Variants in CREBRF observed in about 807,000 individuals in gnomAD.
CREBRF encodes CREB3 regulatory factor, also known as UPF0474 protein C5orf41.
CREBRF carries 5 observed loss-of-function variants against 66.1 expected under a neutral mutation model. The observed-to-expected ratio is 0.08, with a 90% CI of 0.04 to 0.16. The LOEUF is 0.16. CREBRF is among the 10% of genes least tolerant of loss of function. The pLI is 1.00. For synonymous variants in CREBRF, 229 were observed against 264.4 expected, an observed-to-expected ratio of 0.87 and a Z score of 1.30; for missense variants, 531 against 744.9, an observed-to-expected ratio of 0.71 and a Z score of 3.34.
intron 7 of CREBRF, among the ~76,000 whole-genome samples, chr5:173,113,333 G>A (rs1758911874): frequency 6.6e-6 from 1 of 151,168 alleles, no homozygotes; most frequent in African/African-American, 2.4e-5. Context: ...TTTTGAGACG[G>A]AGTCTCGCCC....
At chr5:173,073,057 G>C (rs1757643754) in intron 1 of CREBRF, among the ~76,000 whole-genome samples, 1 of 152,228 alleles carries the variant, frequency 6.6e-6, no homozygotes, top group African/African-American at 2.4e-5. Flanking sequence ...TGTATCTGCA[G>C]TGATGGAATG....
chr5:173,078,438 C>G (rs2113701761), intron 1 of CREBRF, among the ~76,000 whole-genome samples: 1 of 151,442 alleles, frequency 6.6e-6, no homozygotes, highest in South Asian at 2.1e-4. Flanking sequence ...ATAAAATACT[C>G]TCATTTACAA....
chr5:173,133,581 A>G (rs773974152), intron 8 of CREBRF, 49 bp from the exon 9 acceptor site: 19 of 1,096,944 alleles, frequency 1.7e-5, no homozygotes, highest in Non-Finnish European at 2.3e-5. Context: ...CCTTCCCTTC[A>G]TGGCCTTCCA....
In CREBRF at chr5:173,137,588, T is replaced by C. The variant is rs1759617059; in HGVS notation, c.*3843T>C. ...TTTCCAGGATTTTTTAGGAGAAGAG[T>C]ACCCATTTTGTTTTATAAAAACAGA... On this transcript the variant is annotated 3_prime_UTR_variant, in exon 9 of 9. Coordinates refer to ENST00000296953, the MANE Select transcript of CREBRF (RefSeq NM_153607.3). The C allele has an allele frequency of 6.6e-6, 1 of 152,016 alleles. No individual in the cohort carries two copies. Among genetic ancestry groups the C allele is most frequent in the Admixed American group, 6.6e-5 (1 of 15,250 alleles). The allele number at this position is 152,016 out of a possible 1,614,324, so 9.4% of individuals were successfully genotyped here.
intron 4 of CREBRF, among the ~76,000 whole-genome samples, chr5:173,103,346 G>T (rs929750635): frequency 5.9e-5 from 9 of 152,046 alleles, no homozygotes; most frequent in Non-Finnish European, 1.3e-4. Flanking sequence ...TTAATTTTGT[G>T]GTATTATTTG....
rs929273653 is a variant in CREBRF at position 173,111,661 on chromosome 5, T to C, written c.1608-645T>C. On this transcript the variant is annotated intron_variant, in intron 6 of 8. Transcript: ENST00000296953. The stretch of plus-strand genomic sequence containing the variant: ...ATACTACAGTTTATCCATTCACCAG[T>C]TGAAGGGCATTTGGGTTGCCTCCAG... 2.0e-5 allele frequency among the ~76,000 whole-genome samples: 3 copies of C among 152,260 alleles called. No individual in the cohort carries two copies. The East Asian group carries it at 5.8e-4, about 29-fold the overall frequency.
At chr5:173,058,673 G>C (rs1279609183) in intron 1 of CREBRF, among the ~76,000 whole-genome samples, 1 of 150,468 alleles carries the variant, frequency 6.6e-6, no homozygotes, top group African/African-American at 2.4e-5. Flanking sequence ...TTTTAGTAGA[G>C]ACGGGGTTTC....
At chr5:173,059,413 C>T (rs1489418483) in intron 1 of CREBRF, among the ~76,000 whole-genome samples, 1 of 151,496 alleles carries the variant, frequency 6.6e-6, no homozygotes, top group African/African-American at 2.4e-5. Flanking sequence ...TACAGGCGCC[C>T]ACCACCACGC....
intron 1 of CREBRF, among the ~76,000 whole-genome samples, chr5:173,072,622 T>C (rs1433869590): frequency 2.9e-5 from 4 of 139,992 alleles, no homozygotes; most frequent in Non-Finnish European, 6.2e-5. Context: ...AGAGACAGGG[T>C]CTCACAATGT....
At chr5:173,079,151 G>A (rs1244011306) in intron 1 of CREBRF, among the ~76,000 whole-genome samples, 2 of 152,098 alleles carry the variant, frequency 1.3e-5, no homozygotes. Flanking sequence ...GCACTGAATT[G>A]AAAAGCATAG....
chr5:173,076,211 G>A (rs1757759714), intron 1 of CREBRF, among the ~76,000 whole-genome samples: 1 of 152,190 alleles, frequency 6.6e-6, no homozygotes, highest in South Asian at 2.1e-4. Context: ...ACGTGAGACA[G>A]AGGAAGTTGA....
chr5:173,111,297 CAG>C (rs1170860092), intron 6 of CREBRF, among the ~76,000 whole-genome samples: 3 of 151,010 alleles, frequency 2.0e-5, no homozygotes, highest in Admixed American at 6.6e-5. Flanking sequence ...TTTTTTGAGA[CAG>C]AGTCTCACTC....
At chr5:173,057,078 G>A (rs1255319279) in intron 1 of CREBRF, among the ~76,000 whole-genome samples, 2 of 152,134 alleles carry the variant, frequency 1.3e-5, no homozygotes, top group African/African-American at 2.4e-5. Flanking sequence ...CCTCAGAGGC[G>A]ACGGGCGAGG....
rs115031607 is a variant in CREBRF, at chr5:173,091,168, A to G, written c.989A>G (p.Gln330Arg). ...SASTSVSDSS[Q>R]KKEEHNYSLF... ...AGTACATCAGTCTCAGATTCATCCC[A>G]GAAAAAAGAAGAGCACAATTATTCT... The change falls in exon 4 of 9, where the codon CAG becomes CGG. Residue 330 changes from glutamine (Q) to arginine (R), a missense_variant. Around this residue, in one of 5 missense-constraint regions of CREBRF, gnomAD observed 309 missense variants for 341.4 expected, o/e 0.90. Transcript: ENST00000296953. 8.1e-4 allele frequency: 1,315 copies of G among 1,614,230 alleles called. 1 individual carries two copies. Among genetic ancestry groups the G allele is most frequent in the Non-Finnish European group, 1.0e-3 (1,239 of 1,180,036 alleles).
intron 8 of CREBRF, among the ~76,000 whole-genome samples, chr5:173,125,602 C>T (rs898189116): frequency 2.0e-5 from 3 of 152,146 alleles, no homozygotes; most frequent in South Asian, 4.1e-4. Context: ...CGGTGGCTCA[C>T]GCCTGTAATC....
At chr5:173,113,833 G>A (rs997558691) in intron 7 of CREBRF, among the ~76,000 whole-genome samples, 1 of 152,102 alleles carries the variant, frequency 6.6e-6, no homozygotes, top group African/African-American at 2.4e-5. Flanking sequence ...GCACTTCAGG[G>A]GTATGGGAAG....
intron 8 of CREBRF, among the ~76,000 whole-genome samples, chr5:173,124,860 C>T (rs1034308374): frequency 5.3e-5 from 8 of 150,078 alleles, no homozygotes; most frequent in African/African-American, 9.8e-5. Context: ...CTTTAGTATT[C>T]GTCTGTCTTT....
At chr5:173,081,521 C>T (rs1757941236) in intron 2 of CREBRF, among the ~76,000 whole-genome samples, 1 of 152,130 alleles carries the variant, frequency 6.6e-6, no homozygotes, top group Non-Finnish European at 1.5e-5. Flanking sequence ...TGTTGCCATA[C>T]TGAGCTATCC....
chr5:173,128,944 C>A (rs889202396), intron 8 of CREBRF, among the ~76,000 whole-genome samples: 1 of 151,344 alleles, frequency 6.6e-6, no homozygotes, highest in South Asian at 2.1e-4. Flanking sequence ...CCATGCCCGG[C>A]GAATTTTTTG....
Sources: allele counts gnomAD v4.1 joint callset (sites outside exome capture counted in the v4.1 genomes callset), GRCh38; gene constraint gnomAD v4.1.1; regional missense constraint gnomAD v4.1.1; transcripts MANE v1.5; gene names NCBI Gene and HGNC (gene_info 2026-07-23, HGNC 2026-07-21).